FAF1: variants seen among roughly 807,000 people sequenced by gnomAD.
FAF1 encodes FAS-associated factor 1.
Under a neutral mutation model 92.5 loss-of-function variants are expected in FAF1, and 25 were observed. The ratio of observed to expected loss-of-function variants is 0.27; its 90% CI spans 0.20 to 0.38. The LOEUF (loss-of-function observed/expected upper bound fraction) is 0.38, where lower values mean the gene tolerates loss of function less well. Among genes scored for constraint, FAF1 ranks in the 10% least tolerant of loss-of-function variants. The pLI is 1.00. For missense variants in FAF1, 636 were observed against 793.3 expected (o/e 0.80, Z 2.38); for synonymous variants, 234 against 273.2 (o/e 0.86, Z 1.42).
intron 4 of FAF1, among the ~76,000 whole-genome samples, chr1:50,751,334 T>C (rs1444363269): frequency 2.0e-5 from 3 of 151,970 alleles, no homozygotes; most frequent in African/African-American, 7.2e-5. Context: ...TTCTATTTGT[T>C]TGATTGTTTG....
chr1:50,945,978 C>T lies in FAF1; in HGVS notation c.45+13789G>A, dbSNP rs1645169737. On this transcript the variant is annotated intron_variant, in intron 1 of 18. Coordinates refer to ENST00000396153, the MANE Select transcript of FAF1 (RefSeq NM_007051.3). ...TGACTAAACCATCAGCAAACCAGGA[C>T]CAGGTTTAGGGTGAAACCTCTATGA... 3.3e-5 allele frequency among the ~76,000 whole-genome samples: 5 copies of T among 152,192 alleles called. No homozygotes were observed. The South Asian group carries it at 1.0e-3, about 32-fold the overall frequency.
intron 1 of FAF1, among the ~76,000 whole-genome samples, chr1:50,898,623 A>C (rs1644773972): frequency 6.6e-6 from 1 of 152,306 alleles, no homozygotes; most frequent in Non-Finnish European, 1.5e-5. Context: ...AAGGGAGAGA[A>C]TAGGGCATTC....
intron 7 of FAF1, among the ~76,000 whole-genome samples, chr1:50,676,758 G>T (rs1229652897): frequency 6.6e-6 from 1 of 152,082 alleles, no homozygotes; most frequent in East Asian, 1.9e-4. Context: ...GGAAGAGGAG[G>T]TTGCAGTGAG....
intron 1 of FAF1, among the ~76,000 whole-genome samples, chr1:50,939,744 A>AT (rs1415990065): frequency 6.6e-6 from 1 of 152,086 alleles, no homozygotes; most frequent in Non-Finnish European, 1.5e-5. Flanking sequence ...AGGATGTTAG[A>AT]TTTTATTGAA....
At chr1:50,612,236 T>G (rs1489538076) in intron 8 of FAF1, 2 of 393,460 alleles carry the variant, frequency 5.1e-6, no homozygotes, top group Admixed American at 4.5e-5. Context: ...CAGTCTAGGA[T>G]CTTATCAAAA....
chr1:50,610,710 G>A (rs1218900377), intron 8 of FAF1, among the ~76,000 whole-genome samples: 2 of 151,830 alleles, frequency 1.3e-5, no homozygotes, highest in Non-Finnish European at 2.9e-5. Context: ...TGTTTTTCTC[G>A]GTTAGAAGTT....
At position 50,452,316 on chromosome 1, in the gene FAF1, TG is replaced by T. The variant is rs1257526974; in HGVS notation, c.1870-10794del. On this transcript the variant is annotated intron_variant, in intron 18 of 18. Transcript: ENST00000396153. ...ATTCATAAGTGAAGATTCTGTAGTG[TG>T]GCAAGATAAACCTAATGCAGATGAG... The T allele has an allele frequency of 1.9e-5, 8 of 411,380 alleles. No individual in the cohort carries two copies. The East Asian group carries it at 5.4e-4, about 28-fold the overall frequency. The allele number at this position is 411,380 out of a possible 1,614,324, so 25.5% of individuals were successfully genotyped here.
chr1:50,951,676 T>C (rs1645215166), intron 1 of FAF1, among the ~76,000 whole-genome samples: 1 of 152,142 alleles, frequency 6.6e-6, no homozygotes, highest in East Asian at 1.9e-4. Flanking sequence ...AACAACATGA[T>C]TTGTCTCTTT....
intron 1 of FAF1, among the ~76,000 whole-genome samples, chr1:50,869,020 A>G (rs1644505584): frequency 6.6e-6 from 1 of 152,036 alleles, no homozygotes; most frequent in Admixed American, 6.6e-5. Context: ...GTACTTGTGG[A>G]TTTGTCTATA....
chr1:50,950,285 C>A (rs1056827149), intron 1 of FAF1, among the ~76,000 whole-genome samples: 1 of 152,208 alleles, frequency 6.6e-6, no homozygotes, highest in African/African-American at 2.4e-5. Context: ...TAACAACTGC[C>A]CCTTATGGAG....
In FAF1 at chr1:50,783,792, T is replaced by C. The variant is rs375766169; in HGVS notation, c.367+4208A>G. On this transcript the variant is annotated intron_variant, in intron 4 of 18. Coordinates refer to ENST00000396153, the MANE Select transcript of FAF1 (RefSeq NM_007051.3). Reference sequence around the variant, plus strand: ...GAGGGGGCCGAGGCATGAGAATCACTTGAACCTAGGAGGCGGAGGTTGCAG... The same window carrying C: ...GAGGGGGCCGAGGCATGAGAATCACCTGAACCTAGGAGGCGGAGGTTGCAG... Among the ~76,000 whole-genome samples the C allele has an allele frequency of 3.9e-5, 6 of 152,154 alleles. No individual in the cohort carries two copies. In the East Asian group the frequency reaches 1.2e-3, roughly 29 times the overall value.
At chr1:50,690,597 T>A (rs1432320713) in intron 7 of FAF1, among the ~76,000 whole-genome samples, 1 of 152,042 alleles carries the variant, frequency 6.6e-6, no homozygotes, top group Non-Finnish European at 1.5e-5. Flanking sequence ...CAAGACTGTC[T>A]CAAAAACAAA....
chr1:50,707,138 G>A (rs1657706684), intron 6 of FAF1, among the ~76,000 whole-genome samples: 1 of 151,244 alleles, frequency 6.6e-6, no homozygotes, highest in African/African-American at 2.4e-5. Context: ...GGGAGGTGGA[G>A]GTTGCAGTGA....
At chr1:50,877,515 T>G (rs1171265547) in intron 1 of FAF1, among the ~76,000 whole-genome samples, 1 of 152,134 alleles carries the variant, frequency 6.6e-6, no homozygotes, top group Non-Finnish European at 1.5e-5. Context: ...ATATCATATA[T>G]TATGTATTAA....
At chr1:50,500,558 A>G (rs188475240) in intron 15 of FAF1, among the ~76,000 whole-genome samples, 16 of 152,334 alleles carry the variant, frequency 1.1e-4, no homozygotes, top group East Asian at 7.7e-4. Context: ...GTCTAAAGCT[A>G]TAATACTTAT....
intron 2 of FAF1, among the ~76,000 whole-genome samples, chr1:50,828,259 CTTTT>C (rs61047986): frequency 2.2e-5 from 3 of 139,378 alleles, no homozygotes; most frequent in Non-Finnish European, 4.7e-5. Context: ...AGGGTCTTTT[CTTTT>C]TTTTTTTTTT....
chr1:50,638,870 T>C (rs1030947518), intron 8 of FAF1, among the ~76,000 whole-genome samples: 1 of 152,228 alleles, frequency 6.6e-6, no homozygotes, highest in African/African-American at 2.4e-5. Context: ...CATTTACATA[T>C]ATAAAATACA....
chr1:50,514,971 G>C (rs945939299), intron 15 of FAF1, among the ~76,000 whole-genome samples: 1 of 152,062 alleles, frequency 6.6e-6, no homozygotes, highest in Admixed American at 6.6e-5. Flanking sequence ...ACAGATTATG[G>C]CATTAACCTG....
At chr1:50,926,086 A>G (rs1289445578) in intron 1 of FAF1, among the ~76,000 whole-genome samples, 1 of 152,136 alleles carries the variant, frequency 6.6e-6, no homozygotes, top group Non-Finnish European at 1.5e-5. Context: ...ATGTGGTGAT[A>G]CATGCTTGTA....
Sources: gnomAD v4.1 joint callset for allele counts (sites outside exome capture counted in the v4.1 genomes callset) on GRCh38, gnomAD v4.1.1 for gene constraint, MANE v1.5 for transcripts, NCBI Gene and HGNC (gene_info 2026-07-23, HGNC 2026-07-21) for gene names.